Variants in CLOCK observed in about 807,000 individuals in gnomAD.
The protein encoded by CLOCK is circadian locomoter output cycles protein kaput.
A neutral mutation model predicts 118.4 loss-of-function variants in CLOCK; 43 were observed. That is an observed-to-expected ratio of 0.36 (90% CI 0.28 to 0.47). CLOCK has a LOEUF of 0.47. Among genes scored for constraint, CLOCK ranks in the 20% least tolerant of loss-of-function variants. The pLI, the probability that CLOCK is intolerant of heterozygous loss-of-function variation, is 1.00. For synonymous variants in CLOCK, 326 were observed against 339.2 expected (o/e 0.96, Z 0.43); for missense variants, 846 against 999.9 (o/e 0.85, Z 2.08).
At chr4:55,489,157 A>C (rs893614366) in intron 3 of CLOCK, among the ~76,000 whole-genome samples, 1 of 152,220 alleles carries the variant, frequency 6.6e-6, no homozygotes, top group Non-Finnish European at 1.5e-5. Flanking sequence ...TTCTCATGAC[A>C]GCAGGGACAG....
intron 10 of CLOCK, 45 bp from the exon 11 acceptor site, chr4:55,459,055 C>T (rs1725121673): frequency 1.3e-6 from 2 of 1,526,030 alleles, no homozygotes; most frequent in South Asian, 1.1e-5. Context: ...GCCAGCAAAA[C>T]CTAATTGTCA....
At position 55,497,342 on chromosome 4, in the gene CLOCK, T is replaced by C. The variant is rs189437442; in HGVS notation, c.-135-7877A>G. Reference sequence around the variant, plus strand: ...CCTTATTACATTAAGCCCACATAGATAATCTAAGATAACCTCCATATTTTA... The same window carrying C: ...CCTTATTACATTAAGCCCACATAGACAATCTAAGATAACCTCCATATTTTA... On this transcript the variant is annotated intron_variant, in intron 2 of 22. Coordinates refer to ENST00000513440, the MANE Select transcript of CLOCK (RefSeq NM_004898.4). Among the ~76,000 whole-genome samples the C allele has an allele frequency of 4.6e-5, 7 of 152,348 alleles. No homozygotes were observed. The East Asian group carries it at 1.3e-3, about 29-fold the overall frequency.
At chr4:55,532,164 AC>A (rs1354201830) in intron 1 of CLOCK, among the ~76,000 whole-genome samples, 5 of 152,148 alleles carry the variant, frequency 3.3e-5, no homozygotes, top group African/African-American at 1.2e-4. Context: ...ATAGAAGGAA[AC>A]TACCTCGACA....
intron 1 of CLOCK, among the ~76,000 whole-genome samples, chr4:55,527,748 GA>G (rs1730297497): frequency 1.3e-5 from 2 of 152,094 alleles, no homozygotes; most frequent in African/African-American, 2.4e-5. Context: ...CCGAGATTAT[GA>G]AAGAAAATAT....
chr4:55,456,883 T>C (rs148932746), intron 11 of CLOCK, among the ~76,000 whole-genome samples: 59 of 152,232 alleles, frequency 3.9e-4, no homozygotes, highest in African/African-American at 1.3e-3. Flanking sequence ...GGGGTCTATG[T>C]TGTCTAGGCT....
chr4:55,469,572 G>A (rs886080184), intron 8 of CLOCK, among the ~76,000 whole-genome samples: 3 of 152,152 alleles, frequency 2.0e-5, no homozygotes, highest in African/African-American at 7.2e-5. Context: ...TCCTGACCCC[G>A]CGTAGGCCTA....
chr4:55,471,120 T>C (rs1380672416), intron 7 of CLOCK, among the ~76,000 whole-genome samples: 5 of 152,200 alleles, frequency 3.3e-5, no homozygotes, highest in African/African-American at 4.8e-5. Flanking sequence ...TATGGCTTAT[T>C]TGAAGATGCT....
intron 1 of CLOCK, among the ~76,000 whole-genome samples, chr4:55,524,856 A>C (rs967129643): frequency 6.6e-6 from 1 of 152,230 alleles, no homozygotes; most frequent in Non-Finnish European, 1.5e-5. Flanking sequence ...GAAAGCTGAA[A>C]GCGGCCTACA....
chr4:55,453,878 G>T, intron 13 of CLOCK, 54 bp from the exon 14 acceptor site: 2 of 1,329,910 alleles, frequency 1.5e-6, no homozygotes, highest in Non-Finnish European at 2.1e-6. Context: ...TATAAAGATT[G>T]TTTTTTAACC....
At chr4:55,513,839 A>T (rs73153678) in intron 1 of CLOCK, among the ~76,000 whole-genome samples, 2,524 of 152,092 alleles carry the variant, frequency 0.017, 66 homozygotes, top group African/African-American at 0.058. Context: ...TTTTATATAT[A>T]TTTTATTAGA....
At chr4:55,518,848 G>C (rs536757843) in intron 1 of CLOCK, among the ~76,000 whole-genome samples, 36 of 152,266 alleles carry the variant, frequency 2.4e-4, no homozygotes, top group African/African-American at 8.7e-4. Flanking sequence ...AATGGACTAA[G>C]ACAACCGACA....
intron 2 of CLOCK, among the ~76,000 whole-genome samples, chr4:55,508,024 T>C (rs1728918110): frequency 6.6e-6 from 1 of 152,266 alleles, no homozygotes; most frequent in East Asian, 1.9e-4. Flanking sequence ...TAACTAAGTG[T>C]TCTCAAGGGA....
At chr4:55,443,250 C>T (rs1429245719) in intron 20 of CLOCK, among the ~76,000 whole-genome samples, 7 of 151,814 alleles carry the variant, frequency 4.6e-5, no homozygotes, top group South Asian at 2.1e-4. Context: ...CTGAGGTGGG[C>T]GATCACCTGA....
chr4:55,430,556 A>G lies in CLOCK; in HGVS notation c.*4859T>C, dbSNP rs1722430562. The G allele has an allele frequency of 1.3e-5, 2 of 152,218 alleles. No homozygotes were observed. Among genetic ancestry groups the G allele is most frequent in the African/African-American group, 4.8e-5 (2 of 41,464 alleles). The allele number at this position is 152,218 out of a possible 1,614,324, so 9.4% of individuals were successfully genotyped here. A position where few individuals can be genotyped will look rare whatever the true frequency, so the allele number is the denominator to read the frequency against. On this transcript the variant is annotated 3_prime_UTR_variant, in exon 23 of 23. Transcript: ENST00000513440. ...TGTTTCCACAGGAGACATTAAAATT[A>G]AAGACCAAATTATACTATTTTTTTC...
At chr4:55,516,567 T>C (rs61504068) in intron 1 of CLOCK, among the ~76,000 whole-genome samples, 2,483 of 152,344 alleles carry the variant, frequency 0.016, 65 homozygotes, top group African/African-American at 0.057. Context: ...CTCCATCCAT[T>C]TTCTTTTAAT....
intron 2 of CLOCK, among the ~76,000 whole-genome samples, chr4:55,499,954 C>T (rs1005842108): frequency 6.6e-5 from 10 of 152,144 alleles, no homozygotes; most frequent in African/African-American, 2.2e-4. Flanking sequence ...TTTCCCAATT[C>T]CTCTGGCCAG....
intron 21 of CLOCK, among the ~76,000 whole-genome samples, chr4:55,441,835 A>G (rs948989884): frequency 6.6e-6 from 1 of 152,212 alleles, no homozygotes; most frequent in Non-Finnish European, 1.5e-5. Context: ...AGAGCAGTCC[A>G]CAAAACCTTC....
chr4:55,496,006 T>G (rs1577796843), intron 2 of CLOCK, among the ~76,000 whole-genome samples: 1 of 151,936 alleles, frequency 6.6e-6, no homozygotes, highest in Admixed American at 6.6e-5. Flanking sequence ...CTGGCCAACA[T>G]GGTGAAACCC....
rs1219231224 is a variant in CLOCK, at chr4:55,435,495, G to A, written c.2461C>T (p.His821Tyr). The A allele has an allele frequency of 1.2e-6, 2 of 1,614,062 alleles. No homozygotes were observed. Among genetic ancestry groups the A allele is most frequent in the Non-Finnish European group, 1.7e-6 (2 of 1,179,954 alleles). Residue 821 changes from histidine to tyrosine, a missense_variant, in exon 23 of 23, where the codon CAT becomes TAT. Around this residue, in one of 4 missense-constraint regions of CLOCK, gnomAD observed 520 missense variants for 558.0 expected, o/e 0.93. Coordinates refer to ENST00000513440, the MANE Select transcript of CLOCK (RefSeq NM_004898.4). Reference sequence around the variant, plus strand: ...AGTTGCTGCTGTTGCTGAGACTGATGTTGCTGGTGATGTGACTGAGGGAAG... The same window carrying A: ...AGTTGCTGCTGTTGCTGAGACTGATATTGCTGGTGATGTGACTGAGGGAAG... ...STFPQSHHQQ[H>Y]QSQQQQQLSR...
Sources: gnomAD v4.1 joint callset for allele counts (sites outside exome capture counted in the v4.1 genomes callset) on GRCh38, gnomAD v4.1.1 for gene constraint, gnomAD v4.1.1 regional missense constraint, MANE v1.5 for transcripts, NCBI Gene and HGNC (gene_info 2026-07-23, HGNC 2026-07-21) for gene names.